The following SMKR1 variants were observed in gnomAD, a reference collection of about 807,000 sequenced individuals.
SMKR1 encodes small lysine rich protein 1, also known as small lysine-rich protein 1.
Under a neutral mutation model 4.0 loss-of-function variants are expected in SMKR1, and 4 were observed. The ratio of observed to expected loss-of-function variants is 1.00; its 90% CI spans 0.49 to 2.30. SMKR1 has a LOEUF of 2.30. Ranked by LOEUF, SMKR1 falls within the 30% of genes most tolerant of loss-of-function variation. The probability of loss-of-function intolerance (pLI) is 0.02; values close to 1 mark genes in which losing one functional copy is unlikely to be tolerated. For synonymous variants in SMKR1, 38 were observed against 32.5 expected (o/e 1.17, Z -0.58); for missense variants, 56 against 81.8 (o/e 0.68, Z 1.22).
chr7:129,505,727 C>A (rs760379044), intron 1 of SMKR1, among the ~76,000 whole-genome samples: 3 of 152,160 alleles, frequency 2.0e-5, no homozygotes, highest in African/African-American at 7.2e-5. Flanking sequence ...GATGATCCAC[C>A]GGCCTCGGCC....
In SMKR1 at chr7:129,502,604, C is replaced by CGGCT. The variant is rs1433941142; in HGVS notation, c.-220_-217dup. On this transcript the variant is annotated 5_prime_UTR_variant, in exon 1 of 2. Transcript: ENST00000462322. ...GGCAAGCAGGTGCCTCGCGTCCAGG[C>CGGCT]GGCTCCGCGGCTGGCTGCCTCCCGA... is the stretch of plus-strand genomic sequence containing the variant. The CGGCT allele has an allele frequency of 3.1e-5, 17 of 553,814 alleles. No individual in the cohort carries two copies. In the East Asian group the frequency reaches 6.1e-4, roughly 20 times the overall value. The allele number at this position is 553,814 out of a possible 1,614,324, so 34.3% of individuals were successfully genotyped here. A position where few individuals can be genotyped will look rare whatever the true frequency, so the allele number is the denominator to read the frequency against.
intron 1 of SMKR1, among the ~76,000 whole-genome samples, chr7:129,504,506 C>T (rs537588761): frequency 5.3e-5 from 8 of 152,228 alleles, no homozygotes; most frequent in African/African-American, 1.7e-4. Context: ...ATTATAATTC[C>T]ATGTGTTATA....
At chr7:129,506,864 CTT>C (rs149799446) in intron 1 of SMKR1, among the ~76,000 whole-genome samples, 6 of 132,228 alleles carry the variant, frequency 4.5e-5, no homozygotes, top group Non-Finnish European at 4.7e-5. Flanking sequence ...TCTTTCTTTT[CTT>C]TTTTTTTTTT....
intron 1 of SMKR1, among the ~76,000 whole-genome samples, chr7:129,505,339 T>C (rs535822211): frequency 6.6e-6 from 1 of 152,286 alleles, no homozygotes; most frequent in East Asian, 1.9e-4. Context: ...TACTTCCCCC[T>C]GTCCCTAGCC....
intron 1 of SMKR1, among the ~76,000 whole-genome samples, chr7:129,509,262 A>G (rs1799501502): frequency 6.6e-6 from 1 of 152,170 alleles, no homozygotes; most frequent in South Asian, 2.1e-4. Flanking sequence ...GCAGTGAGCC[A>G]ATATCATGCC....
At chr7:129,510,876 T>A (rs1234721775) in intron 1 of SMKR1, among the ~76,000 whole-genome samples, 1 of 152,100 alleles carries the variant, frequency 6.6e-6, no homozygotes, top group East Asian at 1.9e-4. Context: ...TGGCGTGATC[T>A]CGGCTCACTG....
rs528056438 is a variant in SMKR1, at chr7:129,510,075, T to C, written c.4-2172T>C. On this transcript the variant is annotated intron_variant, in intron 1 of 1. Coordinates refer to ENST00000462322, the MANE Select transcript of SMKR1 (RefSeq NM_001195243.2). ...GTCAGAGGACATAGAGAAGTTCAAC[T>C]CAGTTTTGTGCAGTTCTAGCAAATA... is the stretch of plus-strand genomic sequence containing the variant. 1.6e-4 allele frequency among the ~76,000 whole-genome samples: 24 copies of C among 152,336 alleles called. No individual in the cohort carries two copies. The East Asian group carries it at 2.3e-3, about 15-fold the overall frequency.
At chr7:129,510,355 G>A (rs917230477) in intron 1 of SMKR1, among the ~76,000 whole-genome samples, 1 of 152,198 alleles carries the variant, frequency 6.6e-6, no homozygotes, top group African/African-American at 2.4e-5. Flanking sequence ...CTGCATGCTG[G>A]GTAGCCTAAC....
intron 1 of SMKR1, among the ~76,000 whole-genome samples, chr7:129,505,617 T>G (rs906841971): frequency 6.6e-6 from 1 of 152,082 alleles, no homozygotes; most frequent in Non-Finnish European, 1.5e-5. Flanking sequence ...TAGCTGGGAT[T>G]ACAGGCACCC....
intron 1 of SMKR1, among the ~76,000 whole-genome samples, chr7:129,505,058 C>T (rs1654802194): frequency 6.6e-6 from 1 of 152,222 alleles, no homozygotes; most frequent in Non-Finnish European, 1.5e-5. Context: ...AAGCAGAAAT[C>T]CACATTTGCT....
Position 129,502,621 on chromosome 7 carries a change from G to A in SMKR1, c.-204G>A, listed in dbSNP as rs1288921098. On this transcript the variant is annotated 5_prime_UTR_variant, in exon 1 of 2. Coordinates refer to ENST00000462322, the MANE Select transcript of SMKR1 (RefSeq NM_001195243.2). ...CGTCCAGGCGGCTCCGCGGCTGGCT[G>A]CCTCCCGAGCCGGCCGCGCTCCTCC... The A allele has an allele frequency of 3.0e-6, 2 of 655,786 alleles. No homozygotes were observed. The highest frequency in any genetic ancestry group is 2.0e-5 in the African/African-American group (1 of 50,688). 40.6% of individuals were successfully genotyped at this position (655,786 alleles called of 1,614,324 possible).
At position 129,512,305 on chromosome 7, in the gene SMKR1, A is replaced by C; in HGVS notation, c.62A>C (p.Lys21Thr). 6.5e-7 allele frequency: 1 copy of C among 1,535,612 alleles called. No individual in the cohort carries two copies. The highest frequency in any genetic ancestry group is 1.2e-5 in the South Asian group (1 of 83,938). The change falls in exon 2 of 2, where the codon AAA (lysine) becomes ACA (threonine). Residue 21 changes from lysine (K) to threonine (T), a missense_variant. By Grantham distance (78) the Lys-to-Thr change is moderately conservative (BLOSUM62 -1). Transcript: ENST00000462322. ...QGKSHGKKQK[K>T]PEVDILSPAA... ...AAGTCTCATGGGAAGAAACAGAAGA[A>C]ACCAGAAGTGGACATTCTCAGCCCC...
At chr7:129,510,839 C>A (rs755276535) in intron 1 of SMKR1, among the ~76,000 whole-genome samples, 2 of 151,852 alleles carry the variant, frequency 1.3e-5, no homozygotes, top group African/African-American at 4.8e-5. Context: ...GGCAGAGTCT[C>A]GCTCTGTCCC....
At chr7:129,506,755 T>C (rs924289869) in intron 1 of SMKR1, among the ~76,000 whole-genome samples, 2 of 152,064 alleles carry the variant, frequency 1.3e-5, no homozygotes, top group African/African-American at 4.8e-5. Flanking sequence ...GTTATATCAT[T>C]TATCAGTAAT....
At chr7:129,508,995 TG>T (rs757679135) in intron 1 of SMKR1, among the ~76,000 whole-genome samples, 59 of 152,152 alleles carry the variant, frequency 3.9e-4, no homozygotes, top group Non-Finnish European at 2.4e-4. Flanking sequence ...GTGTTTGGCA[TG>T]CAAAAAAGTA....
At chr7:129,510,315 A>T (rs1177556779) in intron 1 of SMKR1, among the ~76,000 whole-genome samples, 1 of 152,248 alleles carries the variant, frequency 6.6e-6, no homozygotes. Context: ...TGGAAAGAGA[A>T]TAGACACCGA....
chr7:129,510,558 A>T (rs1158383301), intron 1 of SMKR1, among the ~76,000 whole-genome samples: 1 of 152,178 alleles, frequency 6.6e-6, no homozygotes, highest in African/African-American at 2.4e-5. Flanking sequence ...ACATAGCGAG[A>T]CTGTCTCTAC....
At chr7:129,503,588 T>C (rs1293241598) in intron 1 of SMKR1, among the ~76,000 whole-genome samples, 1 of 152,222 alleles carries the variant, frequency 6.6e-6, no homozygotes, top group African/African-American at 2.4e-5. Flanking sequence ...TCTTTGAGGC[T>C]TGGATCAGAA....
At position 129,508,545 on chromosome 7, in the gene SMKR1, G is replaced by A. The variant is rs527941121; in HGVS notation, c.4-3702G>A. ...CAACCTCTGCCTTCCGGGTTCAAGC[G>A]ATTCTCCTGCCTCAGCCTCCCGAGT... On this transcript the variant is annotated intron_variant, in intron 1 of 1. Coordinates refer to ENST00000462322, the MANE Select transcript of SMKR1 (RefSeq NM_001195243.2). Among the ~76,000 whole-genome samples the A allele has an allele frequency of 9.9e-5, 15 of 152,204 alleles. No homozygotes were observed. In the East Asian group the frequency reaches 1.7e-3, roughly 18 times the overall value.
Sources: gnomAD v4.1 joint callset for allele counts (sites outside exome capture counted in the v4.1 genomes callset) on GRCh38, gnomAD v4.1.1 for gene constraint, MANE v1.5 for transcripts, NCBI Gene and HGNC (gene_info 2026-07-23, HGNC 2026-07-21) for gene names.